Variants in SNX13 observed in about 807,000 individuals in gnomAD.
The protein encoded by SNX13 is sorting nexin-13.
SNX13 carries 45 observed loss-of-function variants against 133.6 expected under a neutral mutation model. The ratio of observed to expected loss-of-function variants is 0.34; its 90% CI spans 0.27 to 0.43. The LOEUF (loss-of-function observed/expected upper bound fraction) is 0.43. Among genes scored for constraint, SNX13 ranks in the 20% least tolerant of loss-of-function variants. The pLI, the probability that SNX13 is intolerant of heterozygous loss-of-function variation, is 1.00. For synonymous variants in SNX13, 414 were observed against 373.9 expected, an observed-to-expected ratio of 1.11 and a Z score of -1.24; for missense variants, 1,032 against 1,145.1, an observed-to-expected ratio of 0.90 and a Z score of 1.43.
intron 22 of SNX13, among the ~76,000 whole-genome samples, chr7:17,800,381 T>C (rs984378084): frequency 1.3e-5 from 2 of 151,686 alleles, no homozygotes; most frequent in African/African-American, 4.8e-5. Flanking sequence ...GATCCAAACA[T>C]ATATGGTAAC....
chr7:17,830,684 T>G, intron 15 of SNX13: 1 of 981,430 alleles, frequency 1.0e-6, no homozygotes, highest in African/African-American at 1.7e-5. Context: ...TTATTAACAT[T>G]AATGTCAAAC....
intron 24 of SNX13, among the ~76,000 whole-genome samples, chr7:17,798,298 G>A (rs1784273417): frequency 6.6e-6 from 1 of 151,826 alleles, no homozygotes. Flanking sequence ...AACATAGCCA[G>A]AGAGACTTAC....
chr7:17,924,042 T>C (rs1272148137), intron 1 of SNX13, among the ~76,000 whole-genome samples: 1 of 152,212 alleles, frequency 6.6e-6, no homozygotes, highest in East Asian at 1.9e-4. Flanking sequence ...ATATATGCTA[T>C]TTGACACCAC....
intron 11 of SNX13, among the ~76,000 whole-genome samples, chr7:17,848,622 T>C (rs1011495059): frequency 6.6e-6 from 1 of 152,182 alleles, no homozygotes; most frequent in African/African-American, 2.4e-5. Flanking sequence ...TGCTAATGCA[T>C]CGGCCAGTTC....
chr7:17,798,886 A>G (rs1784336066), intron 23 of SNX13, 123 bp downstream of exon 23: 1 of 1,259,254 alleles, frequency 7.9e-7, no homozygotes, highest in African/African-American at 1.5e-5. Context: ...GACTGCTTTA[A>G]TGATGTCCTT....
chr7:17,917,829 G>C (rs1799722856), intron 1 of SNX13, among the ~76,000 whole-genome samples: 1 of 152,066 alleles, frequency 6.6e-6, no homozygotes, highest in African/African-American at 2.4e-5. Flanking sequence ...AAAAGAGCCT[G>C]AATAGCCAAA....
At chr7:17,801,529 T>G in intron 22 of SNX13, 59 bp downstream of exon 22, 2 of 1,348,580 alleles carry the variant, frequency 1.5e-6, no homozygotes, top group Non-Finnish European at 2.1e-6. Context: ...ATTAAAAAGT[T>G]AAAAAGATAT....
At chr7:17,804,371 A>G (rs1040571324) in intron 20 of SNX13, among the ~76,000 whole-genome samples, 1 of 152,154 alleles carries the variant, frequency 6.6e-6, no homozygotes, top group African/African-American at 2.4e-5. Flanking sequence ...TATTTGATTT[A>G]TTTTTTAAAA....
chr7:17,864,892 C>A (rs1166430716), intron 9 of SNX13, among the ~76,000 whole-genome samples: 4 of 152,080 alleles, frequency 2.6e-5, no homozygotes, highest in African/African-American at 9.7e-5. Flanking sequence ...ATACGTCTGG[C>A]AGCACACATC....
intron 5 of SNX13, among the ~76,000 whole-genome samples, chr7:17,887,262 C>A (rs1796111210): frequency 6.6e-6 from 1 of 152,152 alleles, no homozygotes; most frequent in Non-Finnish European, 1.5e-5. Context: ...TTTCGATACA[C>A]TAAAACTTAA....
At chr7:17,860,039 G>C (rs945114968) in intron 9 of SNX13, among the ~76,000 whole-genome samples, 1 of 152,062 alleles carries the variant, frequency 6.6e-6, no homozygotes, top group East Asian at 1.9e-4. Flanking sequence ...AGATCATACG[G>C]TAACAATTTT....
intron 17 of SNX13, among the ~76,000 whole-genome samples, chr7:17,825,709 C>T (rs752424297): frequency 5.9e-5 from 9 of 151,952 alleles, no homozygotes; most frequent in African/African-American, 1.9e-4. Context: ...AAAGATTTAA[C>T]GAGAATTATA....
intron 1 of SNX13, among the ~76,000 whole-genome samples, chr7:17,903,763 AT>A (rs1040055831): frequency 3.9e-5 from 6 of 152,344 alleles, no homozygotes; most frequent in African/African-American, 7.2e-5. Flanking sequence ...ACAGAAAAAA[AT>A]GTTAATATCA....
At chr7:17,905,157 T>C (rs535583270) in intron 1 of SNX13, among the ~76,000 whole-genome samples, 13 of 152,312 alleles carry the variant, frequency 8.5e-5, no homozygotes, top group African/African-American at 3.1e-4. Context: ...TGCATGGCTA[T>C]ACAATTAAGA....
Position 17,796,855 on chromosome 7 carries a change from T to C in SNX13, c.2598A>G (p.Gly866=). The C allele has an allele frequency of 6.2e-7, 1 of 1,610,938 alleles. No homozygotes were observed. The highest frequency in any genetic ancestry group is 8.5e-7 in the Non-Finnish European group (1 of 1,178,000). The change falls in exon 25 of 26, where the codon GGA becomes GGG. Residue 866 remains glycine, a synonymous_variant. Coordinates refer to ENST00000428135, the MANE Select transcript of SNX13 (RefSeq NM_015132.5). ...KSIRMRTRVA[G]KTKLLAIMPD... is the part of the protein sequence containing the mutation. ...GCATAATTGCAAGTAATTTCGTTTT[T>C]CCTGCTACTCTTGTTCTCATTCGAA...
At chr7:17,832,624 T>A (rs911199540) in intron 15 of SNX13, 3 of 292,526 alleles carry the variant, frequency 1.0e-5, no homozygotes, top group African/African-American at 2.3e-5. Context: ...CATTTTTCAA[T>A]AGAGTAAGTA....
At chr7:17,799,250 G>A in intron 22 of SNX13, 96 bp from the exon 23 acceptor site, 2 of 1,039,156 alleles carry the variant, frequency 1.9e-6, no homozygotes, top group Non-Finnish European at 2.7e-6. Context: ...TATTTCACAA[G>A]TCAGAGAACA....
intron 9 of SNX13, among the ~76,000 whole-genome samples, chr7:17,852,496 T>C (rs948005198): frequency 6.6e-6 from 1 of 152,080 alleles, no homozygotes; most frequent in Non-Finnish European, 1.5e-5. Flanking sequence ...ACCATAACAA[T>C]GGGGATTATT....
At chr7:17,802,029 C>T (rs2723554) in intron 21 of SNX13, among the ~76,000 whole-genome samples, 92,164 of 151,794 alleles carry the variant, frequency 0.61, 29,394 homozygotes, top group African/African-American at 0.8. Context: ...TGTAATACTA[C>T]ATTTTTACTG....
Sources: gnomAD v4.1 joint callset for allele counts (sites outside exome capture counted in the v4.1 genomes callset) on GRCh38, gnomAD v4.1.1 for gene constraint, MANE v1.5 for transcripts, NCBI Gene and HGNC (gene_info 2026-07-23, HGNC 2026-07-21) for gene names.